Variants in FRK observed in about 807,000 individuals in gnomAD.
FRK encodes the protein tyrosine-protein kinase FRK.
FRK carries 51 observed loss-of-function variants against 56.4 expected under a neutral mutation model. That is an observed-to-expected ratio of 0.90 (90% CI 0.72 to 1.14). FRK has a LOEUF of 1.14. FRK is among the 50% of genes most tolerant of loss of function. FRK has a pLI of 0.00. For missense variants in FRK, 570 were observed against 601.4 expected, an observed-to-expected ratio of 0.95 and a Z score of 0.55; for synonymous variants, 245 against 217.9, an observed-to-expected ratio of 1.12 and a Z score of -1.10.
intron 2 of FRK, among the ~76,000 whole-genome samples, chr6:115,992,587 C>T (rs1461763061): frequency 6.6e-6 from 1 of 151,668 alleles, no homozygotes; most frequent in Non-Finnish European, 1.5e-5. Context: ...TAAAACAATT[C>T]AACCTTTATA....
At chr6:116,059,209 TA>T (rs1259036595) in intron 1 of FRK, among the ~76,000 whole-genome samples, 1 of 152,174 alleles carries the variant, frequency 6.6e-6, no homozygotes, top group Non-Finnish European at 1.5e-5. Context: ...AATAAGTACA[TA>T]AAAACTTTCC....
At chr6:116,067,808 G>T in the FRK span, among the ~76,000 whole-genome samples, 1 of 152,102 alleles carries the variant, frequency 6.6e-6, no homozygotes, top group Non-Finnish European at 1.5e-5. Flanking sequence ...ATAATGTCTG[G>T]CTACTACTGC....
At chr6:116,072,506 A>G in the FRK span, among the ~76,000 whole-genome samples, 2 of 150,530 alleles carry the variant, frequency 1.3e-5, no homozygotes, top group East Asian at 4.0e-4. Flanking sequence ...GTTAGAACTG[A>G]TTACATCACT....
the FRK span, among the ~76,000 whole-genome samples, chr6:116,068,156 T>G: frequency 4.6e-5 from 7 of 152,184 alleles, no homozygotes; most frequent in Non-Finnish European, 8.8e-5. Flanking sequence ...AAATGAAATA[T>G]GGAGCTCTTT....
At chr6:116,085,268 T>A in the FRK span, among the ~76,000 whole-genome samples, 2 of 152,234 alleles carry the variant, frequency 1.3e-5, no homozygotes, top group Non-Finnish European at 2.9e-5. Flanking sequence ...ACATACCGCA[T>A]ACATATCTGT....
At chr6:115,972,339 A>G (rs941924433) in intron 2 of FRK, among the ~76,000 whole-genome samples, 3 of 152,110 alleles carry the variant, frequency 2.0e-5, no homozygotes, top group Non-Finnish European at 4.4e-5. Context: ...AGTTACCTCT[A>G]TCCTACTTCC....
At chr6:116,026,542 A>AGAAG (rs10584062) in intron 1 of FRK, among the ~76,000 whole-genome samples, 3,925 of 138,326 alleles carry the variant, frequency 0.028, 109 homozygotes, top group African/African-American at 0.07. Flanking sequence ...AAGGGAGGAA[A>AGAAG]GAAGGAAGGA....
At chr6:116,019,224 C>T (rs192831232) in intron 1 of FRK, among the ~76,000 whole-genome samples, 15 of 152,256 alleles carry the variant, frequency 9.9e-5, no homozygotes, top group Admixed American at 6.5e-4. Context: ...TTATCTTTTA[C>T]TTATCACTGA....
At chr6:116,031,693 T>TC (rs1346711410) in intron 1 of FRK, among the ~76,000 whole-genome samples, 1 of 152,122 alleles carries the variant, frequency 6.6e-6, no homozygotes, top group Non-Finnish European at 1.5e-5. Context: ...AAGTCTGACA[T>TC]CAAAATTACA....
rs1345516323 is a variant in FRK, at chr6:115,933,578, ACTT to A, written c.*8833_*8835del. ...GTGGTATTAAAACAGGAAAGGATAAACTTCTTTTCATATTTCAAAATCAGATCT... is the reference window on the plus strand; with the variant it reads ...GTGGTATTAAAACAGGAAAGGATAAACTTTTCATATTTCAAAATCAGATCT... On this transcript the variant is annotated 3_prime_UTR_variant, in exon 8 of 8. Transcript: ENST00000606080. 3.9e-5 allele frequency: 6 copies of A among 152,198 alleles called. No homozygotes were observed. The highest frequency in any genetic ancestry group is 7.4e-5 in the Non-Finnish European group (5 of 68,024). The allele number at this position is 152,198 out of a possible 1,614,324, so 9.4% of individuals were successfully genotyped here.
At chr6:116,039,148 T>C in intron 1 of FRK, 1 of 995,768 alleles carries the variant, frequency 1.0e-6, no homozygotes. Flanking sequence ...AGAAGCTAGC[T>C]GAAAGGGAAG....
intron 4 of FRK, among the ~76,000 whole-genome samples, chr6:115,966,635 A>G (rs946387910): frequency 1.3e-5 from 2 of 152,158 alleles, no homozygotes; most frequent in Non-Finnish European, 2.9e-5. Flanking sequence ...TCTCCCAGAA[A>G]ACTACAATCT....
chr6:116,070,505 A>C, the FRK span, among the ~76,000 whole-genome samples: 1 of 152,214 alleles, frequency 6.6e-6, no homozygotes, highest in East Asian at 1.9e-4. Context: ...TGATGTCCAC[A>C]AATCATATAA....
the FRK span, among the ~76,000 whole-genome samples, chr6:116,081,119 G>A: frequency 6.6e-6 from 1 of 152,106 alleles, no homozygotes; most frequent in Non-Finnish European, 1.5e-5. Context: ...TCACTATCTC[G>A]AGAACAGCAT....
rs118168188 is a variant in FRK, at chr6:116,026,421, G to A, written c.345-22423C>T. Reference sequence around the variant, plus strand: ...CAAGGCAAAACCCTTCAGGATCTCCGGCTAGGCAAAGAGTTCCTAGACGTG... The same window carrying A: ...CAAGGCAAAACCCTTCAGGATCTCCAGCTAGGCAAAGAGTTCCTAGACGTG... On this transcript the variant is annotated intron_variant, in intron 1 of 7. Transcript: ENST00000606080. Among the ~76,000 whole-genome samples the A allele has an allele frequency of 5.0e-3, 759 of 151,264 alleles. 25 individuals carry two copies. The South Asian group carries it at 0.076, about 15-fold the overall frequency.
At chr6:115,947,512 T>C (rs1018422744) in intron 5 of FRK, among the ~76,000 whole-genome samples, 1 of 152,124 alleles carries the variant, frequency 6.6e-6, no homozygotes, top group Non-Finnish European at 1.5e-5. Context: ...CTGTCACTAG[T>C]TCTGGGCAAT....
chr6:115,942,976 A>G (rs775379239), intron 7 of FRK, 44 bp downstream of exon 7: 3 of 1,576,452 alleles, frequency 1.9e-6, no homozygotes, highest in Non-Finnish European at 2.6e-6. Flanking sequence ...CACCTAAGTA[A>G]GTGACATGCA....
chr6:115,943,888 A>T (rs543317855), intron 6 of FRK, among the ~76,000 whole-genome samples: 3 of 152,232 alleles, frequency 2.0e-5, no homozygotes, highest in Non-Finnish European at 4.4e-5. Context: ...TTAATCTGGC[A>T]TACAGTGAGT....
chr6:116,089,403 T>C, the FRK span, among the ~76,000 whole-genome samples: 2 of 152,228 alleles, frequency 1.3e-5, no homozygotes, highest in Non-Finnish European at 2.9e-5. Context: ...TAGACTCTAA[T>C]AGTAAATAAA....
Sources: gnomAD v4.1 joint callset for allele counts (sites outside exome capture counted in the v4.1 genomes callset) on GRCh38, gnomAD v4.1.1 for gene constraint, MANE v1.5 for transcripts, NCBI Gene and HGNC (gene_info 2026-07-23, HGNC 2026-07-21) for gene names.